CCDC146: variants seen among roughly 807,000 people sequenced by gnomAD.
CCDC146 encodes the protein coiled-coil domain-containing protein 146.
A neutral mutation model predicts 119.3 loss-of-function variants in CCDC146; 92 were observed. The ratio of observed to expected loss-of-function variants is 0.77; its 90% CI spans 0.65 to 0.92. CCDC146 has a LOEUF of 0.92. Ranked by LOEUF, CCDC146 falls within the 40% of genes least tolerant of loss-of-function variation. CCDC146 has a pLI of 0.00. For synonymous variants in CCDC146, 372 were observed against 371.8 expected, an observed-to-expected ratio of 1.00 and a Z score of -0.01; for missense variants, 1,000 against 1,103.0, an observed-to-expected ratio of 0.91 and a Z score of 1.32.
At chr7:77,285,940 T>C (rs1793840208) in intron 15 of CCDC146, among the ~76,000 whole-genome samples, 1 of 152,364 alleles carries the variant, frequency 6.6e-6, no homozygotes, top group East Asian at 1.9e-4. Context: ...ATTAAACCTA[T>C]TGCCAGCCAA....
chr7:77,138,250 AG>A (rs962121753), intron 1 of CCDC146, among the ~76,000 whole-genome samples: 5 of 151,902 alleles, frequency 3.3e-5, no homozygotes, highest in African/African-American at 1.2e-4. Flanking sequence ...ATGGAGTAAA[AG>A]ACAGTATTTT....
At chr7:77,212,335 T>C (rs897300976) in intron 2 of CCDC146, among the ~76,000 whole-genome samples, 3 of 152,166 alleles carry the variant, frequency 2.0e-5, no homozygotes, top group South Asian at 4.2e-4. Flanking sequence ...CAAAAACATA[T>C]TGAAGGCTGG....
At chr7:77,254,360 A>C in intron 4 of CCDC146, 146 bp from the exon 5 acceptor site, 1 of 556,920 alleles carries the variant, frequency 1.8e-6, no homozygotes, top group Non-Finnish European at 3.2e-6. Flanking sequence ...CCTGTGATTC[A>C]GGAAAGGTGT....
At chr7:77,227,772 T>A (rs1409536475) in intron 2 of CCDC146, among the ~76,000 whole-genome samples, 1 of 152,234 alleles carries the variant, frequency 6.6e-6, no homozygotes, top group Admixed American at 6.5e-5. Context: ...ACAGTGATAG[T>A]CTGCAAGCAC....
Position 77,236,303 on chromosome 7 carries a change from A to G in CCDC146, c.157-644A>G, listed in dbSNP as rs114363104. On this transcript the variant is annotated intron_variant, in intron 2 of 18. Coordinates refer to ENST00000285871, the MANE Select transcript of CCDC146 (RefSeq NM_020879.3). ...AGATCAAAAGTCATTTTAACTAGAA[A>G]TAAAATGGGAATAAATAGTACCTCT... Among the ~76,000 whole-genome samples the G allele has an allele frequency of 5.1e-3, 780 of 152,318 alleles. 7 individuals carry two copies. The highest frequency in any genetic ancestry group is 0.018 in the African/African-American group (743 of 41,572).
chr7:77,145,665 T>C (rs1215009780), intron 1 of CCDC146, among the ~76,000 whole-genome samples: 1 of 152,188 alleles, frequency 6.6e-6, no homozygotes, highest in Non-Finnish European at 1.5e-5. Flanking sequence ...CTGCCTTCAC[T>C]TCGTTATGTA....
chr7:77,131,466 T>C (rs1790784283), intron 1 of CCDC146, among the ~76,000 whole-genome samples: 1 of 151,948 alleles, frequency 6.6e-6, no homozygotes, highest in Non-Finnish European at 1.5e-5. Context: ...ACCTGTAATC[T>C]CAGCACTTTG....
intron 4 of CCDC146, among the ~76,000 whole-genome samples, chr7:77,245,844 T>A (rs1221592941): frequency 6.7e-6 from 1 of 148,528 alleles, no homozygotes; most frequent in African/African-American, 2.5e-5. Context: ...GAAAAACTCA[T>A]AGCTAGAACA....
At chr7:77,286,605 G>A (rs1410098573) in intron 15 of CCDC146, among the ~76,000 whole-genome samples, 193 bp from the exon 16 acceptor site, 6 of 152,080 alleles carry the variant, frequency 3.9e-5, no homozygotes, top group Admixed American at 6.5e-5. Flanking sequence ...AGACATCATC[G>A]TCGCAGTACC....
At chr7:77,178,395 C>G (rs1279109912) in intron 2 of CCDC146, among the ~76,000 whole-genome samples, 6 of 152,192 alleles carry the variant, frequency 3.9e-5, no homozygotes, top group African/African-American at 1.4e-4. Flanking sequence ...TTCCTTTGTT[C>G]ATTCTGAAAA....
At chr7:77,173,675 C>T (rs142048695) in intron 2 of CCDC146, among the ~76,000 whole-genome samples, 3,221 of 152,298 alleles carry the variant, frequency 0.021, 91 homozygotes, top group African/African-American at 0.068. Flanking sequence ...CCACACAACT[C>T]CCATCAATGG....
At position 77,196,444 on chromosome 7, in the gene CCDC146, A is replaced by C; in HGVS notation, c.156+28620A>C. The C allele has an allele frequency of 6.2e-7, 1 of 1,614,172 alleles. No homozygotes were observed. The highest frequency in any genetic ancestry group is 1.1e-5 in the South Asian group (1 of 91,084). Reference sequence around the variant, plus strand: ...AATATTTGCCATTTAAGTTTGCAGAAAGACATGCATCAAACCACCAGCCTG... The same window carrying C: ...AATATTTGCCATTTAAGTTTGCAGACAGACATGCATCAAACCACCAGCCTG... On this transcript the variant is annotated intron_variant, in intron 2 of 18. Transcript: ENST00000285871. The surrounding 1 kb of genome is among the most constrained non-coding windows in gnomAD (Gnocchi z 4.2).
chr7:77,229,207 A>G (rs1056135330), intron 2 of CCDC146, among the ~76,000 whole-genome samples: 1 of 152,176 alleles, frequency 6.6e-6, no homozygotes, highest in African/African-American at 2.4e-5. Flanking sequence ...CATTCCTTAT[A>G]GATGCTGGAT....
In CCDC146 at chr7:77,278,924, T is replaced by G; in HGVS notation, c.1530-13T>G. 1.9e-6 allele frequency: 3 copies of G among 1,607,088 alleles called. No individual in the cohort carries two copies. Among genetic ancestry groups the G allele is most frequent in the Admixed American group, 1.7e-5 (1 of 58,230 alleles). ...ATTTCATAAGTTTCAGTAAACACTT[T>G]GTATTTTTACAGACTGAGAGAGTTT... is the stretch of plus-strand genomic sequence containing the variant. On this transcript the variant is annotated splice_polypyrimidine_tract_variant and intron_variant, in intron 12 of 18. Transcript: ENST00000285871.
intron 2 of CCDC146, among the ~76,000 whole-genome samples, chr7:77,201,197 C>T (rs1269179352): frequency 2.0e-5 from 3 of 152,080 alleles, no homozygotes; most frequent in African/African-American, 4.8e-5. Context: ...GTAGCTGTAG[C>T]GGAGGAATTT....
chr7:77,136,481 G>A (rs1790862055), intron 1 of CCDC146, among the ~76,000 whole-genome samples: 1 of 151,986 alleles, frequency 6.6e-6, no homozygotes, highest in African/African-American at 2.4e-5. Flanking sequence ...ATTTTAAAAA[G>A]GAATACTATG....
intron 2 of CCDC146, among the ~76,000 whole-genome samples, chr7:77,213,701 C>T (rs1792246747): frequency 6.6e-6 from 1 of 152,160 alleles, no homozygotes; most frequent in Non-Finnish European, 1.5e-5. Flanking sequence ...TTAGCTCCCA[C>T]TTATAAGTTA....
chr7:77,166,141 A>AT (rs1354668818), intron 1 of CCDC146, among the ~76,000 whole-genome samples: 9 of 152,232 alleles, frequency 5.9e-5, no homozygotes, highest in Non-Finnish European at 1.3e-4. Flanking sequence ...CTTTTGGATT[A>AT]TTGCACAACC....
chr7:77,240,588 G>C (rs941875210), intron 3 of CCDC146, among the ~76,000 whole-genome samples: 6 of 152,154 alleles, frequency 3.9e-5, no homozygotes, highest in Non-Finnish European at 5.9e-5. Flanking sequence ...TTGTTATGCT[G>C]TATTGTTTAG....
Sources: gnomAD v4.1 joint callset for allele counts (sites outside exome capture counted in the v4.1 genomes callset) on GRCh38, gnomAD v4.1.1 for gene constraint, Gnocchi (gnomAD v3.1) non-coding constraint, MANE v1.5 for transcripts, NCBI Gene and HGNC (gene_info 2026-07-23, HGNC 2026-07-21) for gene names.